The following CUBN variants were observed in gnomAD, a reference collection of about 807,000 sequenced individuals.
CUBN encodes 460 kDa receptor.
In CUBN, 282 loss-of-function variants were observed where a neutral mutation model predicts 405.3. That is an observed-to-expected ratio of 0.70 (90% confidence interval 0.63 to 0.77). The LOEUF is 0.77. Ranked by LOEUF, CUBN falls within the 30% of genes least tolerant of loss-of-function variation. The pLI is 0.00. For synonymous variants in CUBN, 1,684 were observed against 1,617.0 expected, an observed-to-expected ratio of 1.04 and a Z score of -0.99; for missense variants, 4,514 against 4,475.2, an observed-to-expected ratio of 1.01 and a Z score of -0.25.
intron 28 of CUBN, among the ~76,000 whole-genome samples, chr10:17,012,771 T>C (rs1834219327): frequency 6.6e-6 from 1 of 152,212 alleles, no homozygotes; most frequent in South Asian, 2.1e-4. Flanking sequence ...AACTTGCACA[T>C]TTGAGCAGAC....
chr10:17,001,514 C>A (rs1833885049), intron 28 of CUBN, among the ~76,000 whole-genome samples: 1 of 152,194 alleles, frequency 6.6e-6, no homozygotes, highest in African/African-American at 2.4e-5. Context: ...GGCGCATTTA[C>A]AATGCTTCAA....
At chr10:16,868,382 G>A (rs1840247575) in intron 59 of CUBN, among the ~76,000 whole-genome samples, 1 of 152,140 alleles carries the variant, frequency 6.6e-6, no homozygotes, top group Non-Finnish European at 1.5e-5. Context: ...TCCACACTAT[G>A]GAAGAAACAG....
intron 59 of CUBN, 123 bp from the exon 60 acceptor site, chr10:16,851,566 C>T (rs1225348561): frequency 2.2e-6 from 2 of 899,958 alleles, no homozygotes; most frequent in Non-Finnish European, 3.6e-6. Flanking sequence ...ATGATCAGAT[C>T]ATTCCCTCCT....
At chr10:16,907,428 T>TCTG in intron 49 of CUBN, 80 bp downstream of exon 49, 1 of 1,406,370 alleles carries the variant, frequency 7.1e-7, no homozygotes. Context: ...AATGGATGGC[T>TCTG]CTGCTGCCAT....
chr10:17,007,066 G>A (rs962448313), intron 28 of CUBN, among the ~76,000 whole-genome samples: 1 of 152,170 alleles, frequency 6.6e-6, no homozygotes, highest in African/African-American at 2.4e-5. Flanking sequence ...ATCACTAAGT[G>A]AAAGAAGGCT....
chr10:17,043,742 C>G, intron 26 of CUBN, 85 bp downstream of exon 26: 1 of 1,576,972 alleles, frequency 6.3e-7, no homozygotes, highest in South Asian at 1.1e-5. Flanking sequence ...TACATACTTA[C>G]TCTGCCAGTA....
chr10:17,052,751 C>T (rs1371187101), intron 22 of CUBN, among the ~76,000 whole-genome samples: 3 of 91,938 alleles, frequency 3.3e-5, no homozygotes, highest in Admixed American at 1.7e-4. Context: ...CAGACTGAGA[C>T]TCAGTCTCAA....
At chr10:17,007,173 C>T (rs1379045791) in intron 28 of CUBN, among the ~76,000 whole-genome samples, 1 of 151,458 alleles carries the variant, frequency 6.6e-6, no homozygotes, top group Non-Finnish European at 1.5e-5. Flanking sequence ...TTCCCCACCC[C>T]TATCCCCCAC....
chr10:16,980,391 C>T (rs865903068), intron 31 of CUBN, among the ~76,000 whole-genome samples: 1 of 152,146 alleles, frequency 6.6e-6, no homozygotes, highest in South Asian at 2.1e-4. Flanking sequence ...GAGATGCACA[C>T]GTATGTTTAC....
At chr10:17,072,023 G>T (rs754126201) in intron 17 of CUBN, 52 bp from the exon 18 acceptor site, 1 of 1,424,150 alleles carries the variant, frequency 7.0e-7, no homozygotes, top group South Asian at 1.2e-5. Context: ...AACTTACGTC[G>T]GCAATGGTGG....
At chr10:17,072,528 G>T (rs530519821) in intron 17 of CUBN, among the ~76,000 whole-genome samples, 2 of 152,184 alleles carry the variant, frequency 1.3e-5, no homozygotes, top group South Asian at 2.1e-4. Flanking sequence ...GACAGCCTAG[G>T]CAACACAGTG....
At chr10:17,117,074 G>A (rs149384980) in intron 6 of CUBN, among the ~76,000 whole-genome samples, 317 of 152,134 alleles carry the variant, frequency 2.1e-3, no homozygotes, top group African/African-American at 7.1e-3. Context: ...TAAAGTCATA[G>A]GAAAATAACA....
intron 43 of CUBN, among the ~76,000 whole-genome samples, chr10:16,924,620 C>T (rs1842127805): frequency 6.6e-6 from 1 of 152,026 alleles, no homozygotes; most frequent in South Asian, 2.1e-4. Flanking sequence ...TTTCTACTGA[C>T]ATTACTCCCT....
At chr10:16,829,970 C>G (rs1838931948) in intron 65 of CUBN, among the ~76,000 whole-genome samples, 1 of 149,816 alleles carries the variant, frequency 6.7e-6, no homozygotes, top group Non-Finnish European at 1.5e-5. Flanking sequence ...GAGTCTTGCT[C>G]CGTCACCCAG....
chr10:16,852,067 T>C (rs1588587206), intron 59 of CUBN, among the ~76,000 whole-genome samples: 1 of 49,766 alleles, frequency 2.0e-5, no homozygotes, highest in Admixed American at 2.4e-4. Context: ...CATCTTTCCC[T>C]CCCTCCATCA....
intron 28 of CUBN, among the ~76,000 whole-genome samples, chr10:16,993,588 G>T (rs545313267): frequency 2.0e-5 from 3 of 151,840 alleles, no homozygotes; most frequent in Non-Finnish European, 4.4e-5. Context: ...TTAATAAAAA[G>T]AGCAAAATTT....
rs1554788544 is a variant in CUBN at position 16,889,935 on chromosome 10, C to CAAAAAAAAAAA, written c.8755+425_8755+435dup. Among the ~76,000 whole-genome samples the CAAAAAAAAAAA allele has an allele frequency of 2.3e-3, 46 of 19,898 alleles. 7 individuals carry two copies. Among genetic ancestry groups the CAAAAAAAAAAA allele is most frequent in the African/African-American group, 5.2e-3 (25 of 4,824 alleles). 13.1% of individuals were successfully genotyped at this position (19,898 alleles called of 152,430 possible). ...CTGGCGACAGAGTGAGACGCCGTGT[C>CAAAAAAAAAAA]AAAAAAAAAAAAAAAAAACAGGAAA... On this transcript the variant is annotated intron_variant, in intron 55 of 66. Transcript: ENST00000377833.
chr10:16,922,843 T>C (rs1270563255), intron 43 of CUBN, among the ~76,000 whole-genome samples: 1 of 149,212 alleles, frequency 6.7e-6, no homozygotes, highest in Non-Finnish European at 1.5e-5. Context: ...CCATATACCA[T>C]GTTCTTTTTT....
At chr10:17,064,200 G>C (rs1023887682) in intron 22 of CUBN, among the ~76,000 whole-genome samples, 1 of 152,166 alleles carries the variant, frequency 6.6e-6, no homozygotes, top group African/African-American at 2.4e-5. Context: ...GAAAAGTATT[G>C]ATTGATTCTC....
Sources: allele counts gnomAD v4.1 joint callset (sites outside exome capture counted in the v4.1 genomes callset), GRCh38; gene constraint gnomAD v4.1.1; transcripts MANE v1.5; gene names NCBI Gene and HGNC (gene_info 2026-07-23, HGNC 2026-07-21).